The following CHN2 variants were observed in gnomAD, a reference collection of about 807,000 sequenced individuals.
The protein encoded by CHN2 is beta-chimaerin.
Under a neutral mutation model 56.3 loss-of-function variants are expected in CHN2, and 35 were observed. The ratio of observed to expected loss-of-function variants is 0.62; its 90% CI spans 0.47 to 0.82. CHN2 has a LOEUF of 0.82. CHN2 is among the 40% of genes least tolerant of loss of function. CHN2 has a pLI of 0.00. For synonymous variants in CHN2, 210 were observed against 212.8 expected (o/e 0.99, Z 0.12); for missense variants, 491 against 580.5 (o/e 0.85, Z 1.58).
At chr7:29,493,701 A>G (rs911956409) in intron 7 of CHN2, among the ~76,000 whole-genome samples, 3 of 152,160 alleles carry the variant, frequency 2.0e-5, no homozygotes, top group Non-Finnish European at 2.9e-5. Context: ...GTCAGGTCCT[A>G]TAAATTCTGT....
chr7:29,473,469 T>C (rs1786284186), intron 6 of CHN2, among the ~76,000 whole-genome samples: 1 of 84,496 alleles, frequency 1.2e-5, no homozygotes, highest in African/African-American at 5.9e-5. Flanking sequence ...TGTGTGTTTG[T>C]GTTTTTTTTT....
intron 2 of CHN2, among the ~76,000 whole-genome samples, chr7:29,160,750 G>A (rs531905507): frequency 1.3e-5 from 2 of 152,250 alleles, no homozygotes; most frequent in Non-Finnish European, 2.9e-5. Context: ...GAGAGGAAGG[G>A]CTAAAAGAGC....
chr7:29,150,425 T>C (rs1388419105), intron 2 of CHN2, among the ~76,000 whole-genome samples: 24 of 152,194 alleles, frequency 1.6e-4, no homozygotes, highest in Admixed American at 1.6e-3. Flanking sequence ...GTGACTGCAG[T>C]TCTTTCCAAC....
intron 1 of CHN2, among the ~76,000 whole-genome samples, chr7:29,226,246 G>A (rs868396138): frequency 3.3e-5 from 5 of 151,954 alleles, no homozygotes; most frequent in South Asian, 2.1e-4. Context: ...TATTATGAGC[G>A]GGGAAAAATG....
chr7:29,161,862 A>G (rs1371966377), intron 2 of CHN2, among the ~76,000 whole-genome samples: 2 of 152,346 alleles, frequency 1.3e-5, no homozygotes, highest in Admixed American at 1.3e-4. Context: ...AATGGGCCAA[A>G]GAGTTGAACA....
At chr7:29,427,139 G>C (rs879568098) in intron 6 of CHN2, among the ~76,000 whole-genome samples, 1 of 152,168 alleles carries the variant, frequency 6.6e-6, no homozygotes, top group Non-Finnish European at 1.5e-5. Context: ...CCAACATGGG[G>C]AAGCTGTTTC....
chr7:29,499,173 T>C (rs1257994596), intron 8 of CHN2, among the ~76,000 whole-genome samples: 1 of 152,238 alleles, frequency 6.6e-6, no homozygotes, highest in Non-Finnish European at 1.5e-5. Context: ...GATTTTCATA[T>C]GAACTTTATA....
chr7:29,202,552 A>C (rs146602235), intron 1 of CHN2, among the ~76,000 whole-genome samples: 227 of 152,336 alleles, frequency 1.5e-3, no homozygotes, highest in Admixed American at 3.2e-3. Context: ...TTGGATTCAG[A>C]AACTATAATA....
At chr7:29,459,150 G>A (rs1784972480) in intron 6 of CHN2, among the ~76,000 whole-genome samples, 1 of 152,204 alleles carries the variant, frequency 6.6e-6, no homozygotes, top group East Asian at 1.9e-4. Flanking sequence ...CGGTGGGTCA[G>A]GGGTCAGATT....
At position 29,344,611 on chromosome 7, in the gene CHN2, C is replaced by T. The variant is rs536594444; in HGVS notation, c.50-10014C>T. 2.0e-5 allele frequency among the ~76,000 whole-genome samples: 3 copies of T among 152,256 alleles called. No homozygotes were observed. The East Asian group carries it at 5.8e-4, about 29-fold the overall frequency. Reference sequence around the variant, plus strand: ...AGCCTATCCATCCACATAGACACTCCTTACTGTGGGCTTCTGCAGTAGATG... The same window carrying T: ...AGCCTATCCATCCACATAGACACTCTTTACTGTGGGCTTCTGCAGTAGATG... On this transcript the variant is annotated intron_variant, in intron 1 of 12. Transcript: ENST00000222792.
intron 2 of CHN2, among the ~76,000 whole-genome samples, chr7:29,157,345 C>T (rs145052598): frequency 1.3e-5 from 2 of 152,170 alleles, no homozygotes; most frequent in East Asian, 1.9e-4. Flanking sequence ...CAATGCCCAG[C>T]CCCTGCTGGT....
At chr7:29,176,013 C>T (rs1562809131) in intron 2 of CHN2, among the ~76,000 whole-genome samples, 1 of 151,962 alleles carries the variant, frequency 6.6e-6, no homozygotes. Context: ...GGTGAAACCC[C>T]GTCTCTACTA....
chr7:29,293,423 T>C (rs1792839561), intron 1 of CHN2, among the ~76,000 whole-genome samples: 1 of 144,028 alleles, frequency 6.9e-6, no homozygotes, highest in Non-Finnish European at 1.5e-5. Context: ...TATTTGGCTT[T>C]TCAGCCACGC....
chr7:29,324,925 C>T (rs536906738), intron 1 of CHN2, among the ~76,000 whole-genome samples: 2 of 152,218 alleles, frequency 1.3e-5, no homozygotes, highest in Admixed American at 1.3e-4. Flanking sequence ...AATGCATGCC[C>T]TTTGTAACTC....
chr7:29,357,119 ATTTAACAG>A (rs1353393070), intron 2 of CHN2, among the ~76,000 whole-genome samples: 1 of 152,266 alleles, frequency 6.6e-6, no homozygotes. Flanking sequence ...TGCTACTTAA[ATTTAACAG>A]TATCAATTTT....
At position 29,501,945 on chromosome 7, in the gene CHN2, C is replaced by A. The variant is rs536236705; in HGVS notation, c.913+1905C>A. Reference sequence around the variant, plus strand: ...TTGGGCAAGTTGCTTACTACATTTGCATATCTGTTTCTTCATCTATAATAT... The same window carrying A: ...TTGGGCAAGTTGCTTACTACATTTGAATATCTGTTTCTTCATCTATAATAT... On this transcript the variant is annotated intron_variant, in intron 9 of 12. Transcript: ENST00000222792. Among the ~76,000 whole-genome samples, 47 of 152,292 alleles carry A rather than the reference C, an allele frequency of 3.1e-4. No individual in the cohort carries two copies. In the South Asian group the frequency reaches 3.3e-3, roughly 11 times the overall value.
chr7:29,305,442 C>T (rs530529545), intron 1 of CHN2, among the ~76,000 whole-genome samples: 17 of 151,940 alleles, frequency 1.1e-4, no homozygotes, highest in Non-Finnish European at 1.5e-5. Flanking sequence ...ATAGTCTCTT[C>T]TATGATAAAG....
intron 2 of CHN2, among the ~76,000 whole-genome samples, chr7:29,171,077 A>G (rs1315033101): frequency 6.6e-6 from 1 of 152,156 alleles, no homozygotes; most frequent in Non-Finnish European, 1.5e-5. Flanking sequence ...TTTATTAAAA[A>G]ACGACTTTAT....
chr7:29,194,031 G>T (rs1181326671), upstream of CHN2: 1 of 152,328 alleles, frequency 6.6e-6, no homozygotes, highest in Non-Finnish European at 1.5e-5. Context: ...ATTTGGAGAG[G>T]AGTGGAAGGA....
Sources: allele counts gnomAD v4.1 joint callset (sites outside exome capture counted in the v4.1 genomes callset), GRCh38; gene constraint gnomAD v4.1.1; transcripts MANE v1.5; gene names NCBI Gene and HGNC (gene_info 2026-07-23, HGNC 2026-07-21).